The following FAM193A variants were observed in gnomAD, a reference collection of about 807,000 sequenced individuals.
FAM193A encodes family with sequence similarity 193 member A.
FAM193A carries 22 observed loss-of-function variants against 126.5 expected under a neutral mutation model. The ratio of observed to expected loss-of-function variants is 0.17; its 90% CI spans 0.12 to 0.25. FAM193A has a LOEUF of 0.25. FAM193A is among the 10% of genes least tolerant of loss of function. FAM193A has a pLI of 1.00. For synonymous variants in FAM193A, 761 were observed against 646.8 expected (o/e 1.18, Z -2.68); for missense variants, 1,675 against 1,672.8 (o/e 1.00, Z -0.02).
intron 2 of FAM193A, among the ~76,000 whole-genome samples, chr4:2,619,297 CT>C (rs915676691): frequency 1.3e-5 from 2 of 151,772 alleles, no homozygotes; most frequent in South Asian, 2.1e-4. Context: ...AGATCTGTTT[CT>C]TTTTTTCTTT....
At chr4:2,728,369 C>T (rs900469810) in intron 20 of FAM193A, among the ~76,000 whole-genome samples, 1 of 151,768 alleles carries the variant, frequency 6.6e-6, no homozygotes, top group Non-Finnish European at 1.5e-5. Context: ...CTCCCCAGCC[C>T]AACCCCACAG....
chr4:2,677,849 A>G (rs1165542182), intron 13 of FAM193A, among the ~76,000 whole-genome samples: 2 of 152,034 alleles, frequency 1.3e-5, no homozygotes, highest in African/African-American at 4.8e-5. Flanking sequence ...TGGCATTTTG[A>G]TGGGGACTGC....
At chr4:2,602,228 T>G (rs749221867) in intron 2 of FAM193A, among the ~76,000 whole-genome samples, 1 of 151,748 alleles carries the variant, frequency 6.6e-6, no homozygotes, top group Non-Finnish European at 1.5e-5. Context: ...AAAAAAAAAT[T>G]TAGAGGCCCG....
intron 13 of FAM193A, among the ~76,000 whole-genome samples, chr4:2,681,985 TG>T (rs146394924): frequency 6.9e-5 from 10 of 145,944 alleles, no homozygotes; most frequent in Admixed American, 2.0e-4. Flanking sequence ...TTTTTTTTTT[TG>T]GTTTTTTTTT....
chr4:2,705,159 C>G (rs1301707750), intron 19 of FAM193A, among the ~76,000 whole-genome samples: 2 of 152,202 alleles, frequency 1.3e-5, no homozygotes, highest in African/African-American at 2.4e-5. Context: ...ATCCGCCTGT[C>G]TTGGCCTCCC....
chr4:2,604,595 C>T (rs910408224), intron 2 of FAM193A, among the ~76,000 whole-genome samples: 2 of 152,050 alleles, frequency 1.3e-5, no homozygotes, highest in Non-Finnish European at 2.9e-5. Flanking sequence ...GTGGTCGTGC[C>T]TTTCTCCTGA....
chr4:2,634,112 A>G (rs183956375), intron 5 of FAM193A, among the ~76,000 whole-genome samples: 101 of 152,318 alleles, frequency 6.6e-4, no homozygotes, highest in Non-Finnish European at 1.1e-3. Context: ...TGACGACACT[A>G]GTAAGGTTGA....
chr4:2,614,006 C>G (rs1361959412), intron 2 of FAM193A, among the ~76,000 whole-genome samples: 1 of 152,016 alleles, frequency 6.6e-6, no homozygotes, highest in African/African-American at 2.4e-5. Context: ...AACTCCTGGC[C>G]TCGTGATCCA....
At chr4:2,684,622 T>G (rs1228461617) in intron 13 of FAM193A, among the ~76,000 whole-genome samples, 2 of 152,196 alleles carry the variant, frequency 1.3e-5, no homozygotes, top group Non-Finnish European at 1.5e-5. Flanking sequence ...TGCTTCCCTG[T>G]GAGGGTTGGC....
chr4:2,678,629 CTGGGA>C (rs1714730273), intron 13 of FAM193A, among the ~76,000 whole-genome samples: 1 of 151,922 alleles, frequency 6.6e-6, no homozygotes, highest in South Asian at 2.1e-4. Context: ...TCCCAAAGTG[CTGGGA>C]TTACAGGCAT....
intron 1 of FAM193A, among the ~76,000 whole-genome samples, chr4:2,591,457 CA>C (rs2108899021): frequency 6.6e-6 from 1 of 152,146 alleles, no homozygotes; most frequent in South Asian, 2.1e-4. Context: ...AGATGGAGGG[CA>C]TGTGGGGAGC....
At chr4:2,619,833 G>C (rs957773846) in intron 2 of FAM193A, among the ~76,000 whole-genome samples, 1 of 152,102 alleles carries the variant, frequency 6.6e-6, no homozygotes, top group African/African-American at 2.4e-5. Context: ...TGGGATTGCA[G>C]GCTTGTGCCT....
intron 1 of FAM193A, among the ~76,000 whole-genome samples, chr4:2,582,720 T>G (rs915622148): frequency 6.6e-6 from 1 of 152,144 alleles, no homozygotes; most frequent in Non-Finnish European, 1.5e-5. Context: ...TTATTTGCTG[T>G]GTGTTATGCA....
At chr4:2,634,401 A>G (rs934792369) in intron 5 of FAM193A, among the ~76,000 whole-genome samples, 1 of 152,188 alleles carries the variant, frequency 6.6e-6, no homozygotes, top group Non-Finnish European at 1.5e-5. Context: ...AAATCCCCCC[A>G]AATGAGCAGC....
At chr4:2,540,452 A>C (rs2108800742) in intron 1 of FAM193A, among the ~76,000 whole-genome samples, 1 of 151,672 alleles carries the variant, frequency 6.6e-6, no homozygotes, top group South Asian at 2.1e-4. Flanking sequence ...TGGGCGACAG[A>C]GCGAGACTCC....
At chr4:2,548,736 T>C (rs1320848830) in intron 1 of FAM193A, among the ~76,000 whole-genome samples, 1 of 151,500 alleles carries the variant, frequency 6.6e-6, no homozygotes, top group Non-Finnish European at 1.5e-5. Context: ...GGATTATAGG[T>C]GTGAGCCACC....
At chr4:2,647,998 C>G (rs1281381041) in intron 7 of FAM193A, among the ~76,000 whole-genome samples, 1 of 152,188 alleles carries the variant, frequency 6.6e-6, no homozygotes, top group Non-Finnish European at 1.5e-5. Context: ...CTTGCTCCCT[C>G]CGAGAATTGT....
At chr4:2,622,875 A>T (rs1486555803) in intron 2 of FAM193A, among the ~76,000 whole-genome samples, 1 of 151,882 alleles carries the variant, frequency 6.6e-6, no homozygotes, top group African/African-American at 2.4e-5. Context: ...TAAAATTTCA[A>T]CTTATGAACG....
At chr4:2,710,178 T>TTTTTTTTTTTTTTTTTTTTTTTTTC (rs1718775572) in intron 19 of FAM193A, among the ~76,000 whole-genome samples, 1 of 92,194 alleles carries the variant, frequency 1.1e-5, no homozygotes, top group Non-Finnish European at 2.1e-5. Flanking sequence ...TTTTTTTTTC[T>TTTTTTTTTTTTTTTTTTTTTTTTTC]TTTTTTTTTT....
Sources: gnomAD v4.1 joint callset for allele counts (sites outside exome capture counted in the v4.1 genomes callset) on GRCh38, gnomAD v4.1.1 for gene constraint, MANE v1.5 for transcripts, NCBI Gene and HGNC (gene_info 2026-07-23, HGNC 2026-07-21) for gene names.